PPP1R12B: variants seen among roughly 807,000 people sequenced by gnomAD.
PPP1R12B encodes myosin phosphatase target subunit 2.
In PPP1R12B, 76 loss-of-function variants were observed where a neutral mutation model predicts 126.1. The ratio of observed to expected loss-of-function variants is 0.60; its 90% CI spans 0.50 to 0.73. The LOEUF (loss-of-function observed/expected upper bound fraction) is 0.73. PPP1R12B is among the 30% of genes least tolerant of loss of function. PPP1R12B has a pLI of 0.00. For missense variants in PPP1R12B, 1,052 were observed against 1,205.1 expected (o/e 0.87, Z 1.88); for synonymous variants, 356 against 434.7 (o/e 0.82, Z 2.25).
At chr1:202,542,634 C>G (rs1685241091) in intron 18 of PPP1R12B, among the ~76,000 whole-genome samples, 1 of 152,086 alleles carries the variant, frequency 6.6e-6, no homozygotes, top group Non-Finnish European at 1.5e-5. Context: ...ATTTATAGGC[C>G]AAGGGAGGGA....
At chr1:202,434,981 T>TA (rs1283689372) in intron 9 of PPP1R12B, among the ~76,000 whole-genome samples, 1 of 152,172 alleles carries the variant, frequency 6.6e-6, no homozygotes, top group East Asian at 1.9e-4. Context: ...CAGATCAAGG[T>TA]ACCAGCCAGT....
chr1:202,529,310 A>G (rs1683687670), intron 18 of PPP1R12B, among the ~76,000 whole-genome samples: 1 of 152,084 alleles, frequency 6.6e-6, no homozygotes, highest in Non-Finnish European at 1.5e-5. Context: ...TTATTGAAAA[A>G]AAAAAAAAAA....
rs889967175 is a variant in PPP1R12B at position 202,591,488 on chromosome 1, C to T, written c.*10928C>T. The T allele has an allele frequency of 1.0e-4, 16 of 152,556 alleles. No individual in the cohort carries two copies. The highest frequency in any genetic ancestry group is 3.9e-4 in the African/African-American group (16 of 41,454). The allele number at this position is 152,556 out of a possible 1,614,324, so 9.5% of individuals were successfully genotyped here. A position where few individuals can be genotyped will look rare whatever the true frequency, so the allele number is the denominator to read the frequency against. ...TACTCACCTCTGCTACTTGGTGCAA[C>T]TGGCTGGGGCTTCTCTGGGGAGCAG... is the stretch of plus-strand genomic sequence containing the variant. On this transcript the variant is annotated 3_prime_UTR_variant, in exon 24 of 24. Coordinates refer to ENST00000608999, the MANE Select transcript of PPP1R12B (RefSeq NM_002481.4).
chr1:202,449,697 A>G (rs867315073), intron 13 of PPP1R12B, among the ~76,000 whole-genome samples: 5 of 144,696 alleles, frequency 3.5e-5, no homozygotes, highest in Middle Eastern at 3.9e-3. Flanking sequence ...TATTTTTTTT[A>G]TTTTTTTGAG....
chr1:202,422,863 C>T (rs1668988901), intron 3 of PPP1R12B, 125 bp downstream of exon 3: 10 of 1,339,200 alleles, frequency 7.5e-6, no homozygotes, highest in Admixed American at 2.6e-5. Context: ...TCTGTCTGCA[C>T]TGCATTAATC....
intron 13 of PPP1R12B, among the ~76,000 whole-genome samples, chr1:202,486,212 A>T (rs972583017): frequency 1.3e-5 from 2 of 151,946 alleles, no homozygotes; most frequent in African/African-American, 4.8e-5. Flanking sequence ...TAATAAATAC[A>T]TTTTTTAATT....
chr1:202,418,627 T>C (rs1456181990), intron 2 of PPP1R12B, among the ~76,000 whole-genome samples: 1 of 152,200 alleles, frequency 6.6e-6, no homozygotes, highest in African/African-American at 2.4e-5. Flanking sequence ...GACAGACTAT[T>C]ATAAATTAAA....
intron 1 of PPP1R12B, among the ~76,000 whole-genome samples, chr1:202,394,592 T>C (rs1028890225): frequency 4.6e-5 from 7 of 151,210 alleles, no homozygotes; most frequent in African/African-American, 1.7e-4. Flanking sequence ...CCATCTCTAC[T>C]AAAAATACAA....
At chr1:202,465,516 T>C (rs1412462154) in intron 13 of PPP1R12B, among the ~76,000 whole-genome samples, 3 of 152,190 alleles carry the variant, frequency 2.0e-5, no homozygotes, top group Non-Finnish European at 4.4e-5. Context: ...GAGAACCAAA[T>C]GAGAGGTTGT....
At chr1:202,371,169 C>G (rs1660179080) in intron 1 of PPP1R12B, among the ~76,000 whole-genome samples, 1 of 150,426 alleles carries the variant, frequency 6.6e-6, no homozygotes, top group African/African-American at 2.4e-5. Flanking sequence ...GTGTGCACCA[C>G]CACACCCAGC....
At chr1:202,395,039 C>T (rs1198343509) in intron 1 of PPP1R12B, among the ~76,000 whole-genome samples, 3 of 149,272 alleles carry the variant, frequency 2.0e-5, no homozygotes, top group Non-Finnish European at 4.4e-5. Flanking sequence ...ATTGCTTAGA[C>T]CTGGGAGGCA....
At chr1:202,475,580 G>C (rs951117519) in intron 13 of PPP1R12B, among the ~76,000 whole-genome samples, 1 of 152,184 alleles carries the variant, frequency 6.6e-6, no homozygotes, top group Non-Finnish European at 1.5e-5. Flanking sequence ...AAGAAAAGCT[G>C]TACCTGAAGC....
At chr1:202,464,778 C>A (rs1372156840) in intron 13 of PPP1R12B, among the ~76,000 whole-genome samples, 1 of 152,098 alleles carries the variant, frequency 6.6e-6, no homozygotes, top group Admixed American at 6.6e-5. Context: ...GTTGTGTGCT[C>A]AATATTGTGT....
At chr1:202,387,238 A>G (rs900341998) in intron 1 of PPP1R12B, among the ~76,000 whole-genome samples, 3 of 152,332 alleles carry the variant, frequency 2.0e-5, no homozygotes, top group East Asian at 1.9e-4. Context: ...CTCTGTCAAC[A>G]ACGTCAGTGT....
intron 13 of PPP1R12B, among the ~76,000 whole-genome samples, chr1:202,459,902 T>C (rs1017888445): frequency 5.3e-5 from 8 of 152,168 alleles, no homozygotes; most frequent in African/African-American, 1.9e-4. Context: ...AACAAGGTCA[T>C]CTGATTATAA....
chr1:202,563,738 A>G (rs1687764862), intron 20 of PPP1R12B, among the ~76,000 whole-genome samples: 1 of 152,006 alleles, frequency 6.6e-6, no homozygotes, highest in Non-Finnish European at 1.5e-5. Context: ...CTTCCCTTTC[A>G]GGTGTTTGCG....
At chr1:202,534,926 C>T (rs1684375757) in intron 18 of PPP1R12B, among the ~76,000 whole-genome samples, 2 of 151,968 alleles carry the variant, frequency 1.3e-5, no homozygotes, top group Admixed American at 1.3e-4. Flanking sequence ...TTCAGATTTT[C>T]ATTTGGATTC....
Position 202,588,442 on chromosome 1 carries a change from GGTT to G in PPP1R12B, c.*7889_*7891del, listed in dbSNP as rs1442188126. ...CTAAGATGAATGGTTTTGTTTTACT[GGTT>G]GTTGTTATATAGTTTTGAGTATTCT... On this transcript the variant is annotated 3_prime_UTR_variant, in exon 24 of 24. Coordinates refer to ENST00000608999, the MANE Select transcript of PPP1R12B (RefSeq NM_002481.4). 2 of 152,572 alleles carry G rather than the reference GGTT, an allele frequency of 1.3e-5. No individual in the cohort carries two copies. The highest frequency in any genetic ancestry group is 2.4e-5 in the African/African-American group (1 of 41,420). The allele number at this position is 152,572 out of a possible 1,614,324, so 9.5% of individuals were successfully genotyped here.
intron 1 of PPP1R12B, among the ~76,000 whole-genome samples, chr1:202,390,501 A>G (rs1228912733): frequency 6.6e-6 from 1 of 151,346 alleles, no homozygotes; most frequent in Non-Finnish European, 1.5e-5. Flanking sequence ...TAAAAGCTTT[A>G]TTTATTTATT....
Sources: gnomAD v4.1 joint callset for allele counts (sites outside exome capture counted in the v4.1 genomes callset) on GRCh38, gnomAD v4.1.1 for gene constraint, MANE v1.5 for transcripts, NCBI Gene and HGNC (gene_info 2026-07-23, HGNC 2026-07-21) for gene names.